ZNF625: variants seen among roughly 807,000 people sequenced by gnomAD.
ZNF625 encodes zinc finger protein 625.
In ZNF625, 8 loss-of-function variants were observed where a neutral mutation model predicts 11.1. The ratio of observed to expected loss-of-function variants is 0.72; its 90% CI spans 0.42 to 1.30. The LOEUF (loss-of-function observed/expected upper bound fraction) is 1.30, where lower values mean the gene tolerates loss of function less well. Ranked by LOEUF, ZNF625 falls within the 50% of genes most tolerant of loss-of-function variation. The pLI is 0.01. For missense variants in ZNF625, 349 were observed against 447.6 expected, an observed-to-expected ratio of 0.78 and a Z score of 1.99; for synonymous variants, 145 against 153.4, an observed-to-expected ratio of 0.95 and a Z score of 0.41.
intron 3 of ZNF625, among the ~76,000 whole-genome samples, chr19:12,146,969 G>GTTTTTTTTTTTTTTTTTTTTT (rs1568388597): frequency 4.0e-5 from 5 of 126,122 alleles, no homozygotes; most frequent in East Asian, 2.5e-4. Context: ...TGTTTTTAGA[G>GTTTTTTTTTTTTTTTTTTTTT]ATTTTTTTTT....
intron 1 of ZNF625, among the ~76,000 whole-genome samples, chr19:12,152,658 C>T (rs1186789264): frequency 1.3e-5 from 2 of 151,964 alleles, no homozygotes; most frequent in Admixed American, 6.6e-5. Context: ...CTGGCCAGCA[C>T]GGTAAAACCT....
At position 12,145,408 on chromosome 19, in the gene ZNF625, A is replaced by G; in HGVS notation, c.1008T>C (p.Cys336=). Residue 336 remains cysteine, a synonymous_variant, in exon 4 of 4, where the codon TGT becomes TGC. Transcript: ENST00000439556. ...TGEKPYECKQ[C]GKAFGCASSV... ...TCGAGGCACATCCAAAGGCTTTACC[A>G]CATTGTTTACATTCATAGGGTTTCT... 1 of 1,614,120 alleles carries G rather than the reference A, an allele frequency of 6.2e-7. No homozygotes were observed. Among genetic ancestry groups the G allele is most frequent in the Non-Finnish European group, 8.5e-7 (1 of 1,180,038 alleles).
intron 1 of ZNF625, among the ~76,000 whole-genome samples, chr19:12,149,623 T>TA (rs1359543524): frequency 7.9e-5 from 12 of 151,834 alleles, no homozygotes; most frequent in African/African-American, 2.9e-4. Flanking sequence ...AAATACCAAG[T>TA]AAAAACCTAA....
Position 12,145,936 on chromosome 19 carries a change from C to A in ZNF625, c.480G>T (p.Gly160=). Residue 160 remains glycine, a synonymous_variant, in exon 4 of 4, where the codon GGG becomes GGT. Coordinates refer to ENST00000439556, the MANE Select transcript of ZNF625 (RefSeq NM_145233.4). ...FRTHEWAHTG[G]KPYDCEECGK... ...CACATTCCTCACAATCATAAGGTTT[C>A]CCCCCAGTGTGAGCCCATTCATGTG... The A allele has an allele frequency of 1.2e-6, 2 of 1,614,152 alleles. No homozygotes were observed. Among genetic ancestry groups the A allele is most frequent in the Non-Finnish European group, 1.7e-6 (2 of 1,180,036 alleles).
intron 1 of ZNF625, among the ~76,000 whole-genome samples, chr19:12,154,581 A>G (rs1223971759): frequency 1.3e-5 from 2 of 152,188 alleles, no homozygotes; most frequent in Non-Finnish European, 2.9e-5. Flanking sequence ...TCAGATTTTC[A>G]CTTAAATAAT....
chr19:12,150,664 A>C (rs1188172077), intron 1 of ZNF625, among the ~76,000 whole-genome samples: 1 of 152,204 alleles, frequency 6.6e-6, no homozygotes, highest in East Asian at 1.9e-4. Flanking sequence ...ACACGATTTC[A>C]GTACAATCTT....
Position 12,146,127 on chromosome 19 carries a change from G to A in ZNF625, c.289C>T (p.Pro97Ser), listed in dbSNP as rs764126094. 9 of 1,614,140 alleles carry A rather than the reference G, an allele frequency of 5.6e-6. No homozygotes were observed. In the South Asian group the frequency reaches 9.9e-5, roughly 18 times the overall value. Reference protein sequence around the residue: ...VPDDMLKKKTPRVKSCGEVSV... With the variant: ...VPDDMLKKKTSRVKSCGEVSV... ...ACTTCTCCACATGATTTTACTCGGG[G>A]AGTTTTCTTCTTCAGCATGTCATCT... Residue 97 changes from proline (P) to serine (S), a missense_variant, in exon 4 of 4, where the codon CCC becomes TCC. Pro to Ser is a moderately conservative substitution (Grantham distance 74). Coordinates refer to ENST00000439556, the MANE Select transcript of ZNF625 (RefSeq NM_145233.4).
chr19:12,148,697 C>T (rs1976912200), intron 1 of ZNF625, among the ~76,000 whole-genome samples: 1 of 150,946 alleles, frequency 6.6e-6, no homozygotes, highest in South Asian at 2.1e-4. Context: ...TCTTGGCTCA[C>T]TGCAACCTCA....
At position 12,146,174 on chromosome 19, in the gene ZNF625, C is replaced by T; in HGVS notation, c.242G>A (p.Gly81Glu). 6.2e-7 allele frequency: 1 copy of T among 1,614,132 alleles called. No individual in the cohort carries two copies. The highest frequency in any genetic ancestry group is 8.5e-7 in the Non-Finnish European group (1 of 1,180,028). The change falls in exon 4 of 4, where the codon GGA becomes GAA. Residue 81 changes from glycine (G) to glutamate (E), a missense_variant. Physicochemically the swap from Gly to Glu is moderately conservative, Grantham distance 98. Transcript: ENST00000439556. ...ATCTGGAACCTGGGTCAAAATTTCT[C>T]CATGCTGATGATCTTTCTTACTTTC... ...LLESKKDHQH[G>E]EILTQVPDDM... is the part of the protein sequence containing the mutation.
In ZNF625 at chr19:12,145,206, T is replaced by G. The variant is rs1271015005; in HGVS notation, c.*91A>C. The G allele has an allele frequency of 7.2e-7, 1 of 1,388,162 alleles. No homozygotes were observed. Among genetic ancestry groups the G allele is most frequent in the African/African-American group, 1.4e-5 (1 of 69,164 alleles). 86.0% of individuals were successfully genotyped at this position (1,388,162 alleles called of 1,614,324 possible). On this transcript the variant is annotated 3_prime_UTR_variant, in exon 4 of 4. Transcript: ENST00000439556. ...GTCAAATGACAGTGACTGCAGAAGC[T>G]TCAGAATAATTTTGCGATGGTTCCC...
rs1977034188 is a variant in ZNF625 at position 12,156,720 on chromosome 19, A to C, written c.-162T>G. On this transcript the variant is annotated 5_prime_UTR_variant, in exon 1 of 4. Transcript: ENST00000439556. ...CTCCCTTTGGTGCAAGACGCCTGGG[A>C]GTCAGGAAAGCGGGAATGCGGCCTC... The C allele has an allele frequency of 1.6e-6, 1 of 618,480 alleles. No homozygotes were observed. The allele number at this position is 618,480 out of a possible 1,614,324, so 38.3% of individuals were successfully genotyped here. A position where few individuals can be genotyped will look rare whatever the true frequency, so the allele number is the denominator to read the frequency against.
At chr19:12,148,973 TA>T (rs200467427) in intron 1 of ZNF625, among the ~76,000 whole-genome samples, 1 of 150,826 alleles carries the variant, frequency 6.6e-6, no homozygotes, top group East Asian at 1.9e-4. Flanking sequence ...TATTTTCAAT[TA>T]AAAAAAAATT....
chr19:12,152,331 A>G (rs1240325614), intron 1 of ZNF625, among the ~76,000 whole-genome samples: 1 of 152,146 alleles, frequency 6.6e-6, no homozygotes, highest in Non-Finnish European at 1.5e-5. Flanking sequence ...TTTAAATTTC[A>G]AAAGAAAACA....
At chr19:12,153,521 CT>C (rs2145614756) in intron 1 of ZNF625, among the ~76,000 whole-genome samples, 1 of 151,644 alleles carries the variant, frequency 6.6e-6, no homozygotes, top group East Asian at 2.0e-4. Flanking sequence ...CCTGTCTCTA[CT>C]AAAAATACAA....
chr19:12,156,711 A>G lies in ZNF625; in HGVS notation c.-153T>C, dbSNP rs1977033856. The G allele has an allele frequency of 1.5e-6, 1 of 682,958 alleles. No individual in the cohort carries two copies. Among genetic ancestry groups the G allele is most frequent in the East Asian group, 3.4e-5 (1 of 29,188 alleles). 42.3% of individuals were successfully genotyped at this position (682,958 alleles called of 1,614,324 possible). Reference sequence around the variant, plus strand: ...GATCCCGACCTCCCTTTGGTGCAAGACGCCTGGGAGTCAGGAAAGCGGGAA... The same window carrying G: ...GATCCCGACCTCCCTTTGGTGCAAGGCGCCTGGGAGTCAGGAAAGCGGGAA... On this transcript the variant is annotated 5_prime_UTR_variant, in exon 1 of 4. Coordinates refer to ENST00000439556, the MANE Select transcript of ZNF625 (RefSeq NM_145233.4).
intron 1 of ZNF625, among the ~76,000 whole-genome samples, chr19:12,153,036 G>A (rs1976976973): frequency 6.6e-6 from 1 of 152,048 alleles, no homozygotes; most frequent in Non-Finnish European, 1.5e-5. Context: ...GAAAGGAGAT[G>A]CTACTAGGCC....
chr19:12,152,154 C>A (rs1172101422), intron 1 of ZNF625, among the ~76,000 whole-genome samples: 1 of 151,980 alleles, frequency 6.6e-6, no homozygotes, highest in Non-Finnish European at 1.5e-5. Context: ...ACTTATATAT[C>A]ATATACACGT....
chr19:12,151,630 C>T (rs112871194), intron 1 of ZNF625, among the ~76,000 whole-genome samples: 2,219 of 152,068 alleles, frequency 0.015, 48 homozygotes, highest in African/African-American at 0.051. Context: ...CCGCCCGCCT[C>T]GGCCGCCCAA....
chr19:12,147,562 CCTATTCCCTGTCCTCA>C (rs1440214051), intron 2 of ZNF625, 98 bp downstream of exon 2: 189 of 1,554,350 alleles, frequency 1.2e-4, no homozygotes, highest in Non-Finnish European at 1.5e-4. Context: ...TATTCACATT[CCTATTCCCTGTCCTCA>C]CTATTCCCTG....
Sources: gnomAD v4.1 joint callset for allele counts (sites outside exome capture counted in the v4.1 genomes callset) on GRCh38, gnomAD v4.1.1 for gene constraint, MANE v1.5 for transcripts, NCBI Gene and HGNC (gene_info 2026-07-23, HGNC 2026-07-21) for gene names.